LRRTM4: variants seen among roughly 807,000 people sequenced by gnomAD.
LRRTM4 encodes leucine rich repeat transmembrane neuronal 4.
Under a neutral mutation model 47.6 loss-of-function variants are expected in LRRTM4, and 25 were observed. That is an observed-to-expected ratio of 0.53 (90% CI 0.38 to 0.73). The LOEUF (loss-of-function observed/expected upper bound fraction) is 0.73. LRRTM4 is among the 30% of genes least tolerant of loss of function. The pLI is 0.00. For missense variants in LRRTM4, 638 were observed against 713.4 expected (o/e 0.89, Z 1.20); for synonymous variants, 311 against 269.5 (o/e 1.15, Z -1.51).
chr2:77,323,860 C>T (rs1030987210), intron 3 of LRRTM4, among the ~76,000 whole-genome samples: 1 of 151,944 alleles, frequency 6.6e-6, no homozygotes, highest in Non-Finnish European at 1.5e-5. Flanking sequence ...TCTTAATTTC[C>T]TTAACCATAA....
intron 3 of LRRTM4, among the ~76,000 whole-genome samples, chr2:77,369,251 T>C (rs900532114): frequency 9.9e-5 from 15 of 151,936 alleles, no homozygotes; most frequent in African/African-American, 3.4e-4. Flanking sequence ...GTTTTCATTT[T>C]GTCAATTGTT....
chr2:77,509,151 G>C (rs1678885474), intron 3 of LRRTM4, among the ~76,000 whole-genome samples: 1 of 150,580 alleles, frequency 6.6e-6, no homozygotes, highest in African/African-American at 2.4e-5. Context: ...AGAATCGCTT[G>C]AACCCGGGAG....
chr2:76,902,955 A>T (rs1166543869), intron 3 of LRRTM4, among the ~76,000 whole-genome samples: 1 of 151,788 alleles, frequency 6.6e-6, no homozygotes, highest in African/African-American at 2.4e-5. Context: ...TTATATAATA[A>T]ACTAATAAAT....
intron 3 of LRRTM4, among the ~76,000 whole-genome samples, chr2:76,972,491 C>G (rs12620883): frequency 0.099 from 14,306 of 144,506 alleles, 1,018 homozygotes; most frequent in East Asian, 0.39. Context: ...AGTTTCAGCT[C>G]ACTGCAACCT....
intron 3 of LRRTM4, among the ~76,000 whole-genome samples, chr2:77,478,855 T>C (rs978269447): frequency 3.3e-5 from 5 of 152,246 alleles, no homozygotes; most frequent in Non-Finnish European, 7.3e-5. Context: ...ATTCACCTCC[T>C]ACAGTGAATG....
At chr2:76,976,069 G>A (rs1676409179) in intron 3 of LRRTM4, among the ~76,000 whole-genome samples, 1 of 151,544 alleles carries the variant, frequency 6.6e-6, no homozygotes, top group African/African-American at 2.4e-5. Flanking sequence ...TGGTCCTATT[G>A]AAAACTGGTT....
intron 3 of LRRTM4, among the ~76,000 whole-genome samples, chr2:77,512,663 T>C (rs1430352746): frequency 6.6e-6 from 1 of 152,042 alleles, no homozygotes; most frequent in African/African-American, 2.4e-5. Context: ...ACTGAGCAAC[T>C]CCTAAAGCAT....
intron 3 of LRRTM4, among the ~76,000 whole-genome samples, chr2:77,012,520 A>T (rs1428704581): frequency 6.6e-6 from 1 of 152,232 alleles, no homozygotes; most frequent in Non-Finnish European, 1.5e-5. Context: ...GATTACAGAG[A>T]ATCACCTGCA....
chr2:77,025,120 A>G (rs879932366), intron 3 of LRRTM4, among the ~76,000 whole-genome samples: 4 of 152,202 alleles, frequency 2.6e-5, no homozygotes, highest in Non-Finnish European at 5.9e-5. Flanking sequence ...AAAGTTAAGA[A>G]TCATAACATA....
At chr2:76,870,391 A>C (rs1266660402) in intron 3 of LRRTM4, among the ~76,000 whole-genome samples, 1 of 152,168 alleles carries the variant, frequency 6.6e-6, no homozygotes, top group Non-Finnish European at 1.5e-5. Flanking sequence ...GGGCATAGTC[A>C]TAACACCCCA....
In LRRTM4 at chr2:77,242,769, A is replaced by G. The variant is rs570295223; in HGVS notation, c.1551+275549T>C. The stretch of plus-strand genomic sequence containing the variant: ...GGAGAAATTAGAACCCCTTTGCTCT[A>G]TTGGTGGACCCAAATAATGAAACTG... On this transcript the variant is annotated intron_variant, in intron 3 of 3. Coordinates refer to ENST00000409884, the MANE Select transcript of LRRTM4 (RefSeq NM_001134745.3). Among the ~76,000 whole-genome samples the G allele has an allele frequency of 2.1e-3, 325 of 152,282 alleles. 1 individual carries two copies. The highest frequency in any genetic ancestry group is 7.6e-3 in the African/African-American group (315 of 41,568).
intron 3 of LRRTM4, among the ~76,000 whole-genome samples, chr2:76,786,189 G>C (rs1288398512): frequency 1.3e-5 from 2 of 152,024 alleles, no homozygotes; most frequent in Non-Finnish European, 2.9e-5. Context: ...AATTTATAAA[G>C]AAAGTCTCTA....
chr2:77,417,273 A>G (rs1341271436), intron 3 of LRRTM4, among the ~76,000 whole-genome samples: 2 of 152,118 alleles, frequency 1.3e-5, no homozygotes, highest in Non-Finnish European at 2.9e-5. Context: ...GAGAAATAGG[A>G]ACACTTTTAC....
chr2:76,834,003 T>C (rs1056646041), intron 3 of LRRTM4, among the ~76,000 whole-genome samples: 2 of 145,850 alleles, frequency 1.4e-5, no homozygotes, highest in Non-Finnish European at 3.0e-5. Context: ...AGCAAGCCCT[T>C]GTTTTTCATT....
intron 3 of LRRTM4, among the ~76,000 whole-genome samples, chr2:76,912,906 A>G (rs547787431): frequency 6.6e-6 from 1 of 152,200 alleles, no homozygotes; most frequent in Non-Finnish European, 1.5e-5. Flanking sequence ...TAGAAGCAGA[A>G]GCCGCTATGC....
chr2:77,142,967 A>T (rs1257740545), intron 3 of LRRTM4, among the ~76,000 whole-genome samples: 2 of 152,170 alleles, frequency 1.3e-5, no homozygotes, highest in African/African-American at 4.8e-5. Context: ...TCGTTAAAGG[A>T]TTGCATTCTT....
chr2:77,184,067 A>G (rs961668831), intron 3 of LRRTM4, among the ~76,000 whole-genome samples: 42 of 152,270 alleles, frequency 2.8e-4, no homozygotes, highest in African/African-American at 9.6e-4. Context: ...ATGTACCCTA[A>G]AACTTAAAAG....
intron 3 of LRRTM4, among the ~76,000 whole-genome samples, chr2:76,980,848 TTC>T (rs762585125): frequency 2.6e-5 from 4 of 152,058 alleles, no homozygotes; most frequent in Non-Finnish European, 5.9e-5. Context: ...TGATTTACAT[TTC>T]TCTGTTACAT....
intron 3 of LRRTM4, among the ~76,000 whole-genome samples, chr2:77,239,099 G>A (rs1308142472): frequency 1.3e-5 from 2 of 151,678 alleles, no homozygotes; most frequent in African/African-American, 2.4e-5. Context: ...AAATAATTGA[G>A]CAAATATTTT....
Sources: gnomAD v4.1 joint callset for allele counts (sites outside exome capture counted in the v4.1 genomes callset) on GRCh38, gnomAD v4.1.1 for gene constraint, MANE v1.5 for transcripts, NCBI Gene and HGNC (gene_info 2026-07-23, HGNC 2026-07-21) for gene names.